PTPRT: variants seen among roughly 807,000 people sequenced by gnomAD.
PTPRT encodes the protein receptor-type tyrosine-protein phosphatase T.
In PTPRT, 56 loss-of-function variants were observed where a neutral mutation model predicts 176.8. That is an observed-to-expected ratio of 0.32 (90% CI 0.26 to 0.40). The LOEUF is 0.40. Ranked by LOEUF, PTPRT falls within the 10% of genes least tolerant of loss-of-function variation. The pLI is 1.00. For missense variants in PTPRT, 1,540 were observed against 1,908.2 expected (o/e 0.81, Z 3.60); for synonymous variants, 783 against 739.0 (o/e 1.06, Z -0.96).
chr20:43,013,171 ACTCT>A (rs1338743622), intron 1 of PTPRT, among the ~76,000 whole-genome samples: 1 of 151,416 alleles, frequency 6.6e-6, no homozygotes, highest in Non-Finnish European at 1.5e-5. Flanking sequence ...AATTTTTTTC[ACTCT>A]CTAATAACTC....
intron 1 of PTPRT, among the ~76,000 whole-genome samples, chr20:43,042,071 G>A (rs912399064): frequency 2.6e-5 from 4 of 152,172 alleles, no homozygotes; most frequent in Admixed American, 2.0e-4. Context: ...TTCCCCATTT[G>A]TACAATAGCT....
chr20:43,149,735 T>C (rs1017581871), intron 1 of PTPRT, among the ~76,000 whole-genome samples: 1 of 152,266 alleles, frequency 6.6e-6, no homozygotes, highest in African/African-American at 2.4e-5. Flanking sequence ...AGATGGTTCC[T>C]GCCGTAACAG....
At chr20:42,246,182 C>A (rs891237628) in intron 14 of PTPRT, among the ~76,000 whole-genome samples, 2 of 152,038 alleles carry the variant, frequency 1.3e-5, no homozygotes, top group Non-Finnish European at 2.9e-5. Flanking sequence ...TAGCTGGGGA[C>A]AGAAGAGGTA....
intron 7 of PTPRT, among the ~76,000 whole-genome samples, chr20:42,606,369 AG>A (rs1212910173): frequency 6.6e-6 from 1 of 152,348 alleles, no homozygotes; most frequent in East Asian, 1.9e-4. Flanking sequence ...GAACAGAAAA[AG>A]TATGGGGGCT....
chr20:42,034,849 G>A, the PTPRT span, among the ~76,000 whole-genome samples: 1 of 152,124 alleles, frequency 6.6e-6, no homozygotes, highest in Non-Finnish European at 1.5e-5. Context: ...AAAAAAAGTG[G>A]AGTGAATGTA....
At chr20:42,940,139 G>A (rs569892107) in intron 1 of PTPRT, among the ~76,000 whole-genome samples, 7 of 152,308 alleles carry the variant, frequency 4.6e-5, no homozygotes, top group East Asian at 1.9e-4. Flanking sequence ...ACAGAGGCTC[G>A]AAGTCATTAA....
intron 14 of PTPRT, among the ~76,000 whole-genome samples, chr20:42,244,520 T>C (rs1234737485): frequency 6.6e-6 from 1 of 152,098 alleles, no homozygotes; most frequent in East Asian, 1.9e-4. Flanking sequence ...TAGTTCTCAT[T>C]TGAAAATTAA....
chr20:43,127,876 C>CCT (rs1174875460), intron 1 of PTPRT, among the ~76,000 whole-genome samples: 2 of 152,206 alleles, frequency 1.3e-5, no homozygotes, highest in African/African-American at 4.8e-5. Flanking sequence ...CTTAGGCTAA[C>CCT]CTCTACCTTT....
At chr20:42,123,397 G>A (rs891663966) in intron 19 of PTPRT, among the ~76,000 whole-genome samples, 1 of 152,198 alleles carries the variant, frequency 6.6e-6, no homozygotes, top group East Asian at 1.9e-4. Context: ...AAGTGGACCC[G>A]ATGAATGTGG....
intron 7 of PTPRT, among the ~76,000 whole-genome samples, chr20:42,620,785 C>A (rs375158846): frequency 1.3e-5 from 2 of 152,190 alleles, no homozygotes; most frequent in African/African-American, 4.8e-5. Context: ...GGCAATGCCT[C>A]GCCCTGCTTC....
At chr20:42,404,972 T>TTATATATATATATATATA (rs200602736) in intron 9 of PTPRT, among the ~76,000 whole-genome samples, 910 of 77,798 alleles carry the variant, frequency 0.012, 31 homozygotes, top group African/African-American at 0.032. Flanking sequence ...GGCCAATTAA[T>TTATATATATATATATATA]TATATATATA....
chr20:42,699,726 G>C (rs2075944939), intron 6 of PTPRT, among the ~76,000 whole-genome samples: 1 of 152,076 alleles, frequency 6.6e-6, no homozygotes, highest in Non-Finnish European at 1.5e-5. Flanking sequence ...CCCTACAAGA[G>C]AGTCATCACA....
intron 1 of PTPRT, among the ~76,000 whole-genome samples, chr20:43,005,034 G>A (rs893613867): frequency 2.6e-5 from 4 of 152,100 alleles, no homozygotes; most frequent in Admixed American, 6.6e-5. Flanking sequence ...GAGGCTGACC[G>A]TCTCAGAACC....
intron 1 of PTPRT, among the ~76,000 whole-genome samples, chr20:42,937,102 G>C (rs1427164357): frequency 6.6e-6 from 1 of 152,210 alleles, no homozygotes; most frequent in Non-Finnish European, 1.5e-5. Flanking sequence ...TACACGTTAT[G>C]TGCGCATATC....
chr20:43,041,831 T>C (rs559261735), intron 1 of PTPRT, among the ~76,000 whole-genome samples: 32 of 152,376 alleles, frequency 2.1e-4, no homozygotes, highest in African/African-American at 6.0e-4. Context: ...CAATGGCTGC[T>C]TTCATGCTAC....
chr20:42,246,489 T>G (rs1170352613), intron 14 of PTPRT, among the ~76,000 whole-genome samples: 1 of 152,202 alleles, frequency 6.6e-6, no homozygotes, highest in Admixed American at 6.5e-5. Context: ...TTGGGTCTGA[T>G]GGACAGTTTT....
intron 1 of PTPRT, among the ~76,000 whole-genome samples, chr20:42,914,369 C>T (rs1318211721): frequency 3.3e-5 from 5 of 152,246 alleles, no homozygotes; most frequent in East Asian, 1.9e-4. Context: ...TCCCAGAAGC[C>T]GGGACCTATT....
chr20:43,087,200 C>A (rs2011631778), intron 1 of PTPRT, among the ~76,000 whole-genome samples: 1 of 152,090 alleles, frequency 6.6e-6, no homozygotes, highest in African/African-American at 2.4e-5. Context: ...TGGAATCATA[C>A]AGTCTGTAGC....
At chr20:43,068,259 C>T (rs2011137851) in intron 1 of PTPRT, among the ~76,000 whole-genome samples, 1 of 149,182 alleles carries the variant, frequency 6.7e-6, no homozygotes, top group African/African-American at 2.5e-5. Flanking sequence ...AATCCCAGCA[C>T]TTTGGGAGGC....
Sources: gnomAD v4.1 joint callset for allele counts (sites outside exome capture counted in the v4.1 genomes callset) on GRCh38, gnomAD v4.1.1 for gene constraint, MANE v1.5 for transcripts, NCBI Gene and HGNC (gene_info 2026-07-23, HGNC 2026-07-21) for gene names.